The following HNF1A variants were observed in gnomAD, a reference collection of about 807,000 sequenced individuals.
HNF1A encodes the protein hepatocyte nuclear factor 1-alpha.
A neutral mutation model predicts 62.2 loss-of-function variants in HNF1A; 21 were observed. That is an observed-to-expected ratio of 0.34 (90% CI 0.24 to 0.49). The LOEUF (loss-of-function observed/expected upper bound fraction) is 0.49, where lower values mean the gene tolerates loss of function less well. Among genes scored for constraint, HNF1A ranks in the 20% least tolerant of loss-of-function variants. The pLI is 0.99. For synonymous variants in HNF1A, 374 were observed against 366.8 expected (o/e 1.02, Z -0.22); for missense variants, 687 against 832.3 (o/e 0.83, Z 2.15).
rs766770471 is a variant in HNF1A, at chr12:120,996,267, C to T, written c.961C>T (p.Arg321Cys). The T allele has an allele frequency of 1.4e-5, 22 of 1,613,862 alleles. No homozygotes were observed. Among genetic ancestry groups the T allele is most frequent in the East Asian group, 2.2e-5 (1 of 44,884 alleles). The change falls in exon 5 of 10, where the codon CGC becomes TGC. Residue 321 changes from arginine (R) to cysteine (C), a missense_variant. Arg to Cys is a radical substitution (Grantham distance 180). This residue lies in a region of HNF1A where 408 missense variants were observed against 455.3 expected (regional missense o/e 0.90). Coordinates refer to ENST00000257555, the MANE Select transcript of HNF1A (RefSeq NM_000545.8). This position sits in a 1 kb window ranked among gnomAD's most constrained non-coding sequence, Gnocchi z 4.5. ...ALSPSKVHGV[R>C]YGQPATSETA... is the part of the protein sequence containing the mutation. ...GACACTGCTTCCCTCTCCAGGTGTGCGCTATGGACAGCCTGCGACCAGTGA... is the reference window on the plus strand; with the variant it reads ...GACACTGCTTCCCTCTCCAGGTGTGTGCTATGGACAGCCTGCGACCAGTGA...
At position 120,978,756 on chromosome 12, in the gene HNF1A, T is replaced by C. The variant is rs1448509806; in HGVS notation, c.-13T>C. ...GGTGGACCCGGGCCGCGTGGCCCTGTGGCAGCCGAGCCATGGTTTCTAAAC... is the reference window on the plus strand; with the variant it reads ...GGTGGACCCGGGCCGCGTGGCCCTGCGGCAGCCGAGCCATGGTTTCTAAAC... On this transcript the variant is annotated 5_prime_UTR_variant, in exon 1 of 10. Coordinates refer to ENST00000257555, the MANE Select transcript of HNF1A (RefSeq NM_000545.8). The C allele has an allele frequency of 2.5e-6, 4 of 1,612,106 alleles. No homozygotes were observed. The highest frequency in any genetic ancestry group is 3.4e-6 in the Non-Finnish European group (4 of 1,179,550).
intron 1 of HNF1A, chr12:120,980,611 G>A (rs2135822201): frequency 6.6e-6 from 1 of 152,410 alleles, no homozygotes; most frequent in Middle Eastern, 3.4e-3. Context: ...GGGGGCTTTG[G>A]GGTGAGGGTG....
intron 2 of HNF1A, among the ~76,000 whole-genome samples, chr12:120,990,217 C>T (rs1351335910): frequency 6.6e-6 from 1 of 152,122 alleles, no homozygotes; most frequent in East Asian, 1.9e-4. Flanking sequence ...TCTCGGCTCA[C>T]TGCAAGCTCC....
In HNF1A at chr12:120,999,479, C is replaced by G; in HGVS notation, c.1624-4C>G. ...GGGCTCAGGAGGCTGCTCTGCTCCC[C>G]CAGGTCTTCACCTCAGACACTGAGG... On this transcript the variant is annotated splice_polypyrimidine_tract_variant and splice_region_variant and intron_variant, in intron 8 of 9. Coordinates refer to ENST00000257555, the MANE Select transcript of HNF1A (RefSeq NM_000545.8). 1 of 1,613,928 alleles carries G rather than the reference C, an allele frequency of 6.2e-7. No individual in the cohort carries two copies. Among genetic ancestry groups the G allele is most frequent in the Non-Finnish European group, 8.5e-7 (1 of 1,180,006 alleles).
At position 120,999,399 on chromosome 12, in the gene HNF1A, AGGCCTGCT is replaced by A; in HGVS notation, c.1623+15_1623+22del. The A allele has an allele frequency of 6.2e-7, 1 of 1,613,830 alleles. No homozygotes were observed. The highest frequency in any genetic ancestry group is 8.5e-7 in the Non-Finnish European group (1 of 1,179,940). Reference sequence around the variant, plus strand: ...CACGCCCACCAAGCAGGTAAGGTCCAGGCCTGCTGGCCCTCCCTTGGCCTGTGACAGAG... The same window carrying A: ...CACGCCCACCAAGCAGGTAAGGTCCAGGCCCTCCCTTGGCCTGTGACAGAG... On this transcript the variant is annotated intron_variant, in intron 8 of 9. Coordinates refer to ENST00000257555, the MANE Select transcript of HNF1A (RefSeq NM_000545.8).
chr12:120,998,581 G>T (rs1185040514), intron 7 of HNF1A, among the ~76,000 whole-genome samples: 1 of 152,182 alleles, frequency 6.6e-6, no homozygotes, highest in Non-Finnish European at 1.5e-5. Context: ...ACATGGTTGA[G>T]AGTGTATGCG....
At position 121,001,081 on chromosome 12, in the gene HNF1A, G is replaced by C; in HGVS notation, c.1785G>C (p.Leu595=). ...SASPTVSSSS[L]VLYQSSDSSN... is the part of the protein sequence containing the mutation. ...CCTCTGCAGTGTCCTCCAGCAGCCT[G>C]GTGCTGTACCAGAGCTCAGACTCCA... The change falls in exon 10 of 10, where the codon CTG becomes CTC. Residue 595 remains leucine (L), a synonymous_variant. Transcript: ENST00000257555. The C allele has an allele frequency of 1.2e-6, 2 of 1,613,592 alleles. No individual in the cohort carries two copies. Among genetic ancestry groups the C allele is most frequent in the Non-Finnish European group, 1.7e-6 (2 of 1,179,866 alleles).
chr12:120,982,217 G>GCC (rs1876285428), intron 1 of HNF1A, among the ~76,000 whole-genome samples: 15 of 152,094 alleles, frequency 9.9e-5, no homozygotes, highest in Admixed American at 5.2e-4. Context: ...TTACAGGCAT[G>GCC]CACCACCACG....
In HNF1A at chr12:120,999,207, G is replaced by A. The variant is rs555031453; in HGVS notation, c.1502-61G>A. On this transcript the variant is annotated intron_variant, in intron 7 of 9. Coordinates refer to ENST00000257555, the MANE Select transcript of HNF1A (RefSeq NM_000545.8). ...ATGCCCCCCTTTCCCCAGTCTTGAG[G>A]CCTGGGACTAGGGCTGTCAGGCACG... The A allele has an allele frequency of 3.4e-5, 54 of 1,605,750 alleles. No individual in the cohort carries two copies. In the South Asian group the frequency reaches 5.7e-4, roughly 17 times the overall value.
chr12:120,990,342 C>CGTTTTAGCCGGG (rs56106428), intron 2 of HNF1A, among the ~76,000 whole-genome samples: 1 of 152,182 alleles, frequency 6.6e-6, no homozygotes, highest in South Asian at 2.1e-4. Flanking sequence ...GGGGTTTCAC[C>CGTTTTAGCCGGG]ATGGTCTCGA....
intron 1 of HNF1A, among the ~76,000 whole-genome samples, chr12:120,982,114 C>T (rs11065382): frequency 0.067 from 10,256 of 152,146 alleles, 708 homozygotes; most frequent in East Asian, 0.23. Flanking sequence ...TCTGTCGGCC[C>T]GGCTGGAGTG....
intron 1 of HNF1A, among the ~76,000 whole-genome samples, chr12:120,984,512 G>A (rs1419829730): frequency 6.6e-6 from 1 of 152,074 alleles, no homozygotes; most frequent in African/African-American, 2.4e-5. Context: ...GGAGGACACA[G>A]GAGGACATGG....
Position 120,999,602 on chromosome 12 carries a change from C to T in HNF1A, c.1743C>T (p.Ala581=). 6.2e-7 allele frequency: 1 copy of T among 1,610,966 alleles called. No homozygotes were observed. Among genetic ancestry groups the T allele is most frequent in the Non-Finnish European group, 8.5e-7 (1 of 1,178,896 alleles). ...CCAGCATCCAGCACCTGCAGCCGGC[C>T]CACCGGCTCAGCGCCAGCCCCACAG... ...DPASIQHLQP[A]HRLSASPTVS... is the part of the protein sequence containing the mutation. Residue 581 remains alanine, a synonymous_variant, in exon 9 of 10, where the codon GCC becomes GCT. Transcript: ENST00000257555.
In HNF1A at chr12:120,982,600, A is replaced by G. The variant is rs143071306; in HGVS notation, c.326+3506A>G. ...TTTCGTCTGCAGGGTAGAGATGACA[A>G]TAGCCCTTGTCCACAGGGTTAAATG... On this transcript the variant is annotated intron_variant, in intron 1 of 9. Coordinates refer to ENST00000257555, the MANE Select transcript of HNF1A (RefSeq NM_000545.8). 4.6e-3 allele frequency among the ~76,000 whole-genome samples: 701 copies of G among 152,308 alleles called. 1 individual carries two copies. The highest frequency in any genetic ancestry group is 0.017 in the Middle Eastern group (5 of 294).
chr12:120,987,308 A>T (rs897942279), intron 1 of HNF1A, among the ~76,000 whole-genome samples: 2 of 151,862 alleles, frequency 1.3e-5, no homozygotes, highest in African/African-American at 4.8e-5. Flanking sequence ...CCCCGTCTCT[A>T]CTAAAAATAC....
intron 7 of HNF1A, 34 bp downstream of exon 7, chr12:120,997,699 A>G: frequency 6.3e-7 from 1 of 1,587,892 alleles, no homozygotes; most frequent in Non-Finnish European, 8.6e-7. Context: ...GCAGGAGATG[A>G]TGATAGAGGT....
chr12:120,994,648 C>T (rs917267922), intron 4 of HNF1A, among the ~76,000 whole-genome samples: 1 of 149,782 alleles, frequency 6.7e-6, no homozygotes, highest in African/African-American at 2.5e-5. Flanking sequence ...TCCATCCACT[C>T]CATCCACTAC....
intron 2 of HNF1A, among the ~76,000 whole-genome samples, chr12:120,989,762 G>A (rs1876720349): frequency 6.6e-6 from 1 of 152,176 alleles, no homozygotes; most frequent in Admixed American, 6.5e-5. Context: ...GCTGACTGTC[G>A]ACTGGGGAGT....
rs371967197 is a variant in HNF1A, at chr12:120,996,741, C to T, written c.1308C>T (p.Ile436=). The T allele has an allele frequency of 8.7e-6, 14 of 1,613,780 alleles. No individual in the cohort carries two copies. Among genetic ancestry groups the T allele is most frequent in the African/African-American group, 2.7e-5 (2 of 74,846 alleles). Residue 436 remains isoleucine, a splice_region_variant and synonymous_variant, in exon 6 of 10, where the codon ATC becomes ATT. Coordinates refer to ENST00000257555, the MANE Select transcript of HNF1A (RefSeq NM_000545.8). The surrounding 1 kb of genome is among the most constrained non-coding windows in gnomAD (Gnocchi z 4.5). ...ACACAGGTGCCTCCACCCTGGTCATCGGTAAGCTGGTGGGGATGGGTGGGC... is the reference window on the plus strand; with the variant it reads ...ACACAGGTGCCTCCACCCTGGTCATTGGTAAGCTGGTGGGGATGGGTGGGC... ...FTNTGASTLV[I]GLASTQAQSV... is the part of the protein sequence containing the mutation.
Sources: allele counts gnomAD v4.1 joint callset (sites outside exome capture counted in the v4.1 genomes callset), GRCh38; gene constraint gnomAD v4.1.1; regional missense constraint gnomAD v4.1.1; non-coding constraint Gnocchi (gnomAD v3.1); transcripts MANE v1.5; gene names NCBI Gene and HGNC (gene_info 2026-07-23, HGNC 2026-07-21).